ADAM32: variants seen among roughly 807,000 people sequenced by gnomAD.
ADAM32 encodes ADAM metallopeptidase domain 32, also known as disintegrin and metalloproteinase domain-containing protein 32.
A neutral mutation model predicts 114.9 loss-of-function variants in ADAM32; 89 were observed. That is an observed-to-expected ratio of 0.77 (90% CI 0.65 to 0.92). The LOEUF (loss-of-function observed/expected upper bound fraction) is 0.92. Among genes scored for constraint, ADAM32 ranks in the 40% least tolerant of loss-of-function variants. The pLI is 0.00. For missense variants in ADAM32, 870 were observed against 932.8 expected (o/e 0.93, Z 0.88); for synonymous variants, 285 against 307.5 (o/e 0.93, Z 0.77).
chr8:39,241,000 T>C (rs1810515979), intron 16 of ADAM32, among the ~76,000 whole-genome samples: 1 of 152,170 alleles, frequency 6.6e-6, no homozygotes, highest in Non-Finnish European at 1.5e-5. Flanking sequence ...AGCAAGTTAG[T>C]TACTTCCTAG....
At chr8:39,116,363 C>A (rs1278858070) in intron 1 of ADAM32, among the ~76,000 whole-genome samples, 2 of 152,148 alleles carry the variant, frequency 1.3e-5, no homozygotes, top group Non-Finnish European at 2.9e-5. Context: ...TCTTCCTATC[C>A]ATGAGTATGG....
intron 11 of ADAM32, among the ~76,000 whole-genome samples, chr8:39,198,234 A>G (rs1026364212): frequency 2.0e-5 from 3 of 151,956 alleles, no homozygotes; most frequent in Non-Finnish European, 4.4e-5. Context: ...TAGGCAGCAT[A>G]TATATTTTTA....
chr8:39,284,707 A>G (rs763762337), intron 24 of ADAM32, 86 bp from the exon 25 acceptor site: 15 of 1,454,188 alleles, frequency 1.0e-5, no homozygotes, highest in Non-Finnish European at 9.5e-7. Flanking sequence ...TGAATTTTCC[A>G]CTTGGCAATA....
At chr8:39,205,258 G>T (rs1399476571) in intron 11 of ADAM32, among the ~76,000 whole-genome samples, 1 of 152,214 alleles carries the variant, frequency 6.6e-6, no homozygotes, top group Non-Finnish European at 1.5e-5. Context: ...GCCTCCTTGA[G>T]CTGCGGTGGG....
chr8:39,267,402 G>C (rs1812435568), intron 19 of ADAM32, among the ~76,000 whole-genome samples: 1 of 152,132 alleles, frequency 6.6e-6, no homozygotes, highest in African/African-American at 2.4e-5. Flanking sequence ...ACATGCTTTT[G>C]TGTGTGTCAA....
At chr8:39,210,668 A>G (rs912736688) in intron 11 of ADAM32, among the ~76,000 whole-genome samples, 14 of 152,202 alleles carry the variant, frequency 9.2e-5, no homozygotes, top group African/African-American at 3.1e-4. Context: ...TGGACTTCCT[A>G]TGGAACTAGT....
At chr8:39,243,611 G>A (rs1193962258) in intron 16 of ADAM32, among the ~76,000 whole-genome samples, 1 of 152,058 alleles carries the variant, frequency 6.6e-6, no homozygotes, top group African/African-American at 2.4e-5. Flanking sequence ...AGAAAAATTG[G>A]CATAGAAGGG....
chr8:39,160,670 A>G (rs1011041703), intron 6 of ADAM32, among the ~76,000 whole-genome samples: 1 of 152,000 alleles, frequency 6.6e-6, no homozygotes, highest in Non-Finnish European at 1.5e-5. Context: ...CATAAATTGG[A>G]AGTTGTAGAT....
At chr8:39,205,275 C>T (rs903262831) in intron 11 of ADAM32, among the ~76,000 whole-genome samples, 21 of 152,192 alleles carry the variant, frequency 1.4e-4, no homozygotes, top group African/African-American at 5.1e-4. Context: ...TGGGCTCCAC[C>T]CAGTTTGAGC....
intron 16 of ADAM32, among the ~76,000 whole-genome samples, chr8:39,235,783 G>T (rs1170986081): frequency 6.6e-6 from 1 of 152,096 alleles, no homozygotes; most frequent in African/African-American, 2.4e-5. Flanking sequence ...ATTCCAAAAA[G>T]ACTTGTTAGA....
Position 39,157,616 on chromosome 8 carries a change from C to T in ADAM32, c.526-3281C>T, listed in dbSNP as rs565353541. ...CTTCTTCTCCATGGTTTGGAAGCGG[C>T]CATGGCCAAATTTAAAGGTAGTGTC... is the stretch of plus-strand genomic sequence containing the variant. On this transcript the variant is annotated intron_variant, in intron 6 of 24. Transcript: ENST00000379907. 3,540 of 568,906 alleles carry T rather than the reference C, an allele frequency of 6.2e-3. 131 individuals are homozygous for T. The highest frequency in any genetic ancestry group is 0.051 in the South Asian group (3,411 of 66,260). The allele number at this position is 568,906 out of a possible 1,614,324, so 35.2% of individuals were successfully genotyped here.
At chr8:39,198,793 A>G (rs1336219639) in intron 11 of ADAM32, among the ~76,000 whole-genome samples, 1 of 149,836 alleles carries the variant, frequency 6.7e-6, no homozygotes, top group Admixed American at 6.6e-5. Context: ...TTTCTCATCT[A>G]TTCCACCAGT....
chr8:39,143,362 T>G (rs1387688874), intron 3 of ADAM32, among the ~76,000 whole-genome samples: 1 of 152,236 alleles, frequency 6.6e-6, no homozygotes, highest in Non-Finnish European at 1.5e-5. Context: ...ACCTTTAGTC[T>G]TTGATGTTGG....
rs539640662 is a variant in ADAM32, at chr8:39,117,973, C to T, written c.59-113C>T. 28 of 606,086 alleles carry T rather than the reference C, an allele frequency of 4.6e-5. No homozygotes were observed. In the South Asian group the frequency reaches 6.8e-4, roughly 15 times the overall value. The allele number at this position is 606,086 out of a possible 1,614,324, so 37.5% of individuals were successfully genotyped here. ...TGTTTTCAAGCTTTTTATAGAAGTACACAGTGATGAGCCACCCATACCTGC... is the reference window on the plus strand; with the variant it reads ...TGTTTTCAAGCTTTTTATAGAAGTATACAGTGATGAGCCACCCATACCTGC... On this transcript the variant is annotated intron_variant, in intron 1 of 24. Coordinates refer to ENST00000379907, the MANE Select transcript of ADAM32 (RefSeq NM_145004.7).
chr8:39,193,205 C>CT (rs1313520925), intron 11 of ADAM32, among the ~76,000 whole-genome samples: 1 of 152,076 alleles, frequency 6.6e-6, no homozygotes, highest in Non-Finnish European at 1.5e-5. Flanking sequence ...CCTTTATATT[C>CT]TTTTTTCTTT....
chr8:39,231,146 C>T (rs1189057018), intron 14 of ADAM32, among the ~76,000 whole-genome samples: 1 of 152,096 alleles, frequency 6.6e-6, no homozygotes, highest in South Asian at 2.1e-4. Flanking sequence ...TTGAGTTAAT[C>T]AAAAGGGAGG....
intron 10 of ADAM32, among the ~76,000 whole-genome samples, chr8:39,184,789 AGAAAATCTTCAGTATGAT>A (rs1209495249): frequency 6.6e-6 from 1 of 152,250 alleles, no homozygotes; most frequent in Non-Finnish European, 1.5e-5. Context: ...TAGAATGTCA[AGAAAATCTTCAGTATGAT>A]GCTCATATAT....
intron 11 of ADAM32, among the ~76,000 whole-genome samples, chr8:39,187,299 T>C (rs375762479): frequency 2.6e-5 from 4 of 152,080 alleles, no homozygotes; most frequent in African/African-American, 9.6e-5. Context: ...TGAGATGGAG[T>C]CTCGCTCTTT....
At chr8:39,194,424 G>A (rs868581595) in intron 11 of ADAM32, among the ~76,000 whole-genome samples, 6 of 152,226 alleles carry the variant, frequency 3.9e-5, no homozygotes, top group Middle Eastern at 3.4e-3. Flanking sequence ...CTGAACTGAC[G>A]GGGAAGGGGA....
Sources: allele counts gnomAD v4.1 joint callset (sites outside exome capture counted in the v4.1 genomes callset), GRCh38; gene constraint gnomAD v4.1.1; transcripts MANE v1.5; gene names NCBI Gene and HGNC (gene_info 2026-07-23, HGNC 2026-07-21).